PARD3: variants seen among roughly 807,000 people sequenced by gnomAD.
The protein encoded by PARD3 is par-3 family cell polarity regulator, also known as partitioning defective 3 homolog.
Under a neutral mutation model 155.4 loss-of-function variants are expected in PARD3, and 75 were observed. The observed-to-expected ratio is 0.48, with a 90% CI of 0.40 to 0.58. PARD3 has a LOEUF of 0.58. Ranked by LOEUF, PARD3 falls within the 20% of genes least tolerant of loss-of-function variation. PARD3 has a pLI of 0.00. For missense variants in PARD3, 1,642 were observed against 1,721.7 expected, an observed-to-expected ratio of 0.95 and a Z score of 0.82; for synonymous variants, 576 against 610.5, an observed-to-expected ratio of 0.94 and a Z score of 0.83.
intron 2 of PARD3, among the ~76,000 whole-genome samples, chr10:34,548,214 C>T (rs976989971): frequency 3.3e-5 from 5 of 152,096 alleles, no homozygotes; most frequent in African/African-American, 7.2e-5. Flanking sequence ...GGCAGGCGGG[C>T]GTGGTGGCTC....
chr10:34,398,659 A>G (rs901500558), intron 7 of PARD3, among the ~76,000 whole-genome samples: 1 of 152,192 alleles, frequency 6.6e-6, no homozygotes, highest in South Asian at 2.1e-4. Flanking sequence ...AAATCAATTC[A>G]TACTATTTGA....
At chr10:34,371,776 G>C (rs369627978) in intron 12 of PARD3, among the ~76,000 whole-genome samples, 4 of 151,878 alleles carry the variant, frequency 2.6e-5, no homozygotes, top group East Asian at 1.9e-4. Flanking sequence ...ATGTAAAAAG[G>C]AAAAAAGATC....
chr10:34,361,808 A>G (rs1181256334), intron 12 of PARD3, among the ~76,000 whole-genome samples: 2 of 152,070 alleles, frequency 1.3e-5, no homozygotes, highest in East Asian at 3.8e-4. Flanking sequence ...TAACACTTCA[A>G]TTACAATAAA....
At chr10:34,558,599 G>A (rs2085201962) in intron 2 of PARD3, among the ~76,000 whole-genome samples, 2 of 152,186 alleles carry the variant, frequency 1.3e-5, no homozygotes, top group South Asian at 4.1e-4. Context: ...CCCAGAAAAT[G>A]TACACATTTA....
intron 2 of PARD3, among the ~76,000 whole-genome samples, chr10:34,593,108 G>A (rs1031159910): frequency 2.0e-5 from 3 of 152,150 alleles, no homozygotes; most frequent in Non-Finnish European, 4.4e-5. Flanking sequence ...TGGGTTTGAG[G>A]CAGAAATGTT....
At chr10:34,775,918 T>C (rs1009220822) in intron 1 of PARD3, among the ~76,000 whole-genome samples, 2 of 152,002 alleles carry the variant, frequency 1.3e-5, no homozygotes, top group Non-Finnish European at 2.9e-5. Context: ...ATTAATAACT[T>C]TGTTCATTTT....
intron 1 of PARD3, among the ~76,000 whole-genome samples, chr10:34,739,569 T>C (rs2094972170): frequency 6.6e-6 from 1 of 152,162 alleles, no homozygotes; most frequent in African/African-American, 2.4e-5. Context: ...GCCTCAGTGC[T>C]TCCCTCTGTC....
intron 12 of PARD3, among the ~76,000 whole-genome samples, chr10:34,371,045 C>T (rs1005331379): frequency 2.6e-5 from 4 of 152,184 alleles, no homozygotes; most frequent in African/African-American, 9.6e-5. Flanking sequence ...TTCTGTAACC[C>T]TTAATCTGTT....
intron 1 of PARD3, among the ~76,000 whole-genome samples, chr10:34,793,768 A>T (rs1479971679): frequency 1.4e-5 from 2 of 147,414 alleles, no homozygotes; most frequent in East Asian, 2.0e-4. Context: ...ACAAGAGTGA[A>T]ACTCCATCTC....
intron 22 of PARD3, among the ~76,000 whole-genome samples, chr10:34,246,125 C>G (rs1384399457): frequency 6.6e-6 from 1 of 152,136 alleles, no homozygotes; most frequent in Non-Finnish European, 1.5e-5. Context: ...ATTTTGTCAC[C>G]TGAAAAGAAT....
chr10:34,521,245 GCTTT>G (rs2082126647), intron 2 of PARD3, among the ~76,000 whole-genome samples: 2 of 151,722 alleles, frequency 1.3e-5, no homozygotes, highest in African/African-American at 4.8e-5. Flanking sequence ...CAATTGCACA[GCTTT>G]CTTTTAAACC....
intron 2 of PARD3, among the ~76,000 whole-genome samples, chr10:34,639,231 A>C (rs556817166): frequency 6.6e-6 from 1 of 152,284 alleles, no homozygotes; most frequent in South Asian, 2.1e-4. Context: ...CCCCATCTCT[A>C]CTAAAAATAC....
intron 2 of PARD3, among the ~76,000 whole-genome samples, chr10:34,685,902 A>C (rs1429744594): frequency 6.6e-6 from 1 of 151,988 alleles, no homozygotes; most frequent in African/African-American, 2.4e-5. Context: ...CCTTTCTGCA[A>C]TCATTTTAAA....
At chr10:34,646,076 A>C (rs1213618802) in intron 2 of PARD3, among the ~76,000 whole-genome samples, 1 of 152,226 alleles carries the variant, frequency 6.6e-6, no homozygotes, top group African/African-American at 2.4e-5. Context: ...AGCATTCTTC[A>C]CAAAACAGGC....
chr10:34,613,140 AATC>A (rs970574197), intron 2 of PARD3, among the ~76,000 whole-genome samples: 14 of 152,320 alleles, frequency 9.2e-5, no homozygotes, highest in Admixed American at 3.3e-4. Context: ...ACGATTGCTC[AATC>A]ATTTCAAGTT....
intron 2 of PARD3, among the ~76,000 whole-genome samples, chr10:34,591,906 T>C (rs1334488272): frequency 6.6e-6 from 1 of 152,166 alleles, no homozygotes; most frequent in Non-Finnish European, 1.5e-5. Context: ...CCCTGTCCTC[T>C]ATGCAGCTGC....
chr10:34,484,370 C>T (rs1007271888), intron 3 of PARD3, among the ~76,000 whole-genome samples: 6 of 152,180 alleles, frequency 3.9e-5, no homozygotes, highest in African/African-American at 1.2e-4. Context: ...AAATGAACGA[C>T]TCTCATAAAT....
intron 20 of PARD3, among the ~76,000 whole-genome samples, chr10:34,310,594 C>T (rs1380873517): frequency 6.6e-6 from 1 of 152,200 alleles, no homozygotes; most frequent in Non-Finnish European, 1.5e-5. Flanking sequence ...GCCTCCTCAG[C>T]TTCCTCTGCA....
chr10:34,184,498 A>T (rs1490983025), intron 22 of PARD3, among the ~76,000 whole-genome samples: 2 of 152,152 alleles, frequency 1.3e-5, no homozygotes, highest in Non-Finnish European at 2.9e-5. Flanking sequence ...TTGTAGATCC[A>T]CAAGCCGGGG....
Sources: allele counts gnomAD v4.1 joint callset (sites outside exome capture counted in the v4.1 genomes callset), GRCh38; gene constraint gnomAD v4.1.1; transcripts MANE v1.5; gene names NCBI Gene and HGNC (gene_info 2026-07-23, HGNC 2026-07-21).